FGD6: variants seen among roughly 807,000 people sequenced by gnomAD.
The protein encoded by FGD6 is FYVE, RhoGEF and PH domain containing 6.
In FGD6, 90 loss-of-function variants were observed where a neutral mutation model predicts 149.4. The ratio of observed to expected loss-of-function variants is 0.60; its 90% CI spans 0.51 to 0.72. The LOEUF (loss-of-function observed/expected upper bound fraction) is 0.72, where lower values mean the gene tolerates loss of function less well. Among genes scored for constraint, FGD6 ranks in the 30% least tolerant of loss-of-function variants. The pLI is 0.00. For missense variants in FGD6, 1,437 were observed against 1,684.8 expected (o/e 0.85, Z 2.57); for synonymous variants, 527 against 584.0 (o/e 0.90, Z 1.41).
At chr12:95,085,518 A>G in intron 19 of FGD6, 1 of 463,296 alleles carries the variant, frequency 2.2e-6, no homozygotes, top group Admixed American at 3.9e-5. Flanking sequence ...CTCTGCCTTT[A>G]GTAAAGTAAT....
chr12:95,110,133 C>T (rs537206291), intron 9 of FGD6, among the ~76,000 whole-genome samples: 54 of 151,972 alleles, frequency 3.6e-4, no homozygotes, highest in African/African-American at 1.3e-3. Flanking sequence ...CCTGCCACCA[C>T]GTCCAGCTAA....
intron 3 of FGD6, among the ~76,000 whole-genome samples, chr12:95,159,094 G>A (rs917821015): frequency 7.9e-5 from 12 of 152,080 alleles, no homozygotes; most frequent in Non-Finnish European, 1.2e-4. Context: ...AAATGTGCAC[G>A]AGCTCGACAC....
chr12:95,084,098 G>A (rs1401960573), intron 20 of FGD6, among the ~76,000 whole-genome samples: 1 of 152,148 alleles, frequency 6.6e-6, no homozygotes, highest in Admixed American at 6.5e-5. Flanking sequence ...TTAAACTCCT[G>A]CTGTTCCATG....
intron 2 of FGD6, among the ~76,000 whole-genome samples, chr12:95,194,828 T>A (rs1322492866): frequency 6.6e-6 from 1 of 152,204 alleles, no homozygotes; most frequent in African/African-American, 2.4e-5. Flanking sequence ...AATGTTACCA[T>A]TAAGGGAAAC....
chr12:95,140,038 T>C (rs1382235312), intron 6 of FGD6, among the ~76,000 whole-genome samples: 2 of 152,228 alleles, frequency 1.3e-5, no homozygotes, highest in Admixed American at 6.5e-5. Flanking sequence ...TTATCTGCCA[T>C]ATTTACCCAA....
At chr12:95,153,307 A>G (rs1370753574) in intron 3 of FGD6, among the ~76,000 whole-genome samples, 1 of 152,224 alleles carries the variant, frequency 6.6e-6, no homozygotes, top group African/African-American at 2.4e-5. Context: ...AAAAGGCTAC[A>G]GGGGAAGTGG....
At chr12:95,186,669 C>T (rs1431278684) in intron 2 of FGD6, among the ~76,000 whole-genome samples, 1 of 152,152 alleles carries the variant, frequency 6.6e-6, no homozygotes, top group African/African-American at 2.4e-5. Context: ...TGAAGAGATG[C>T]AACAGAGACC....
At chr12:95,168,311 A>T (rs1182727377) in intron 3 of FGD6, among the ~76,000 whole-genome samples, 1 of 152,222 alleles carries the variant, frequency 6.6e-6, no homozygotes, top group Non-Finnish European at 1.5e-5. Context: ...ATTTATTGGT[A>T]AGATTACAGA....
chr12:95,078,222 T>C lies in FGD6; in HGVS notation c.*3298A>G, dbSNP rs1470466534. 2 of 152,160 alleles carry C rather than the reference T, an allele frequency of 1.3e-5. No homozygotes were observed. The highest frequency in any genetic ancestry group is 1.9e-4 in the East Asian group (1 of 5,198). The allele number at this position is 152,160 out of a possible 1,614,324, so 9.4% of individuals were successfully genotyped here. A position where few individuals can be genotyped will look rare whatever the true frequency, so the allele number is the denominator to read the frequency against. ...CAGTATTATGGAAGACAGTGATATA[T>C]TAAGTACAGTATCTGCCTTCAAGGA... On this transcript the variant is annotated 3_prime_UTR_variant, in exon 21 of 21. Coordinates refer to ENST00000343958, the MANE Select transcript of FGD6 (RefSeq NM_018351.4).
At chr12:95,096,549 C>T (rs976306961) in intron 14 of FGD6, among the ~76,000 whole-genome samples, 3 of 152,202 alleles carry the variant, frequency 2.0e-5, no homozygotes, top group Admixed American at 6.5e-5. Flanking sequence ...AACAAGATGC[C>T]ATTTAACAGT....
At chr12:95,149,900 C>T (rs1880246158) in intron 5 of FGD6, among the ~76,000 whole-genome samples, 2 of 145,830 alleles carry the variant, frequency 1.4e-5, no homozygotes. Context: ...ATCACATACA[C>T]TATACTATAT....
intron 5 of FGD6, among the ~76,000 whole-genome samples, chr12:95,144,142 C>A (rs1043655592): frequency 6.6e-6 from 1 of 152,220 alleles, no homozygotes; most frequent in African/African-American, 2.4e-5. Context: ...CAGCCAAATA[C>A]AAACTGAACT....
intron 16 of FGD6, 77 bp downstream of exon 16, chr12:95,092,622 G>A: frequency 7.0e-7 from 1 of 1,424,082 alleles, no homozygotes; most frequent in Non-Finnish European, 9.6e-7. Context: ...GGTTTATGAG[G>A]GGAAATATGC....
chr12:95,107,437 C>T, intron 12 of FGD6, 126 bp downstream of exon 12: 2 of 780,476 alleles, frequency 2.6e-6, no homozygotes, highest in Non-Finnish European at 4.2e-6. Context: ...AGTGGTACGG[C>T]CAGTTCAAGA....
chr12:95,156,939 A>G (rs1880490395), intron 3 of FGD6, among the ~76,000 whole-genome samples: 1 of 152,202 alleles, frequency 6.6e-6, no homozygotes, highest in African/African-American at 2.4e-5. Context: ...CAGATTTCCC[A>G]ATATTTAACC....
intron 5 of FGD6, among the ~76,000 whole-genome samples, chr12:95,146,319 C>G (rs764574350): frequency 1.3e-5 from 2 of 152,100 alleles, no homozygotes; most frequent in African/African-American, 2.4e-5. Context: ...GGTTATTTTT[C>G]TAAATGTTAA....
chr12:95,095,785 G>A (rs914027299), intron 14 of FGD6, among the ~76,000 whole-genome samples: 1 of 152,090 alleles, frequency 6.6e-6, no homozygotes. Context: ...AGGCTAAGGC[G>A]GGTGGATCAT....
chr12:95,109,596 C>T (rs1175285357), intron 9 of FGD6, among the ~76,000 whole-genome samples: 1 of 152,024 alleles, frequency 6.6e-6, no homozygotes, highest in Non-Finnish European at 1.5e-5. Flanking sequence ...GGCGCGGTGG[C>T]TCACGCCTGT....
intron 3 of FGD6, among the ~76,000 whole-genome samples, chr12:95,154,903 A>T (rs1358298634): frequency 6.6e-6 from 1 of 152,000 alleles, no homozygotes; most frequent in African/African-American, 2.4e-5. Context: ...ACTGTGATGG[A>T]TCACATGACT....
Sources: gnomAD v4.1 joint callset for allele counts (sites outside exome capture counted in the v4.1 genomes callset) on GRCh38, gnomAD v4.1.1 for gene constraint, MANE v1.5 for transcripts, NCBI Gene and HGNC (gene_info 2026-07-23, HGNC 2026-07-21) for gene names.